CERS3: variants seen among roughly 807,000 people sequenced by gnomAD.
The protein encoded by CERS3 is LAG1 homolog, ceramide synthase 3.
In CERS3, 33 loss-of-function variants were observed where a neutral mutation model predicts 50.3. The observed-to-expected ratio is 0.66, with a 90% CI of 0.50 to 0.88. CERS3 has a LOEUF of 0.88. CERS3 is among the 40% of genes least tolerant of loss of function. The probability of loss-of-function intolerance (pLI) is 0.00; values close to 1 mark genes in which losing one functional copy is unlikely to be tolerated. For synonymous variants in CERS3, 176 were observed against 155.2 expected (o/e 1.13, Z -0.99); for missense variants, 470 against 460.3 (o/e 1.02, Z -0.19).
In CERS3 at chr15:100,441,323, T is replaced by G. The variant is rs148964251; in HGVS notation, c.999+14570A>C. ...TTTCTGCACCCCGACCTCTTATCTC[T>G]GTGCCCCGATCCCTTATTTCCATGC... On this transcript the variant is annotated intron_variant, in intron 11 of 11. Transcript: ENST00000679737. Among the ~76,000 whole-genome samples, 83 of 151,194 alleles carry G rather than the reference T, an allele frequency of 5.5e-4. No individual in the cohort carries two copies. In the East Asian group the frequency reaches 0.012, roughly 21 times the overall value.
At chr15:100,526,513 T>TGTGTGTGTGTGTG (rs71151963) in intron 1 of CERS3, among the ~76,000 whole-genome samples, 1 of 151,538 alleles carries the variant, frequency 6.6e-6, no homozygotes, top group Non-Finnish European at 1.5e-5. Context: ...TGTGTGTGTG[T>TGTGTGTGTGTGTG]AAAAACAACT....
chr15:100,415,562 TTAGA>T (rs1290883252), intron 11 of CERS3, among the ~76,000 whole-genome samples: 26 of 152,110 alleles, frequency 1.7e-4, no homozygotes, highest in Middle Eastern at 6.8e-3. Context: ...CAATGATAGA[TTAGA>T]TAAAGAAAAT....
At position 100,501,697 on chromosome 15, in the gene CERS3, A is replaced by G. The variant is rs766805849; in HGVS notation, c.153T>C (p.Ile51=). The part of the protein sequence containing the change: ...VTIPYAFLLL[I]IRRVFEKFVA... ...CTTACTTTTCAAATACACGTCTGATAATCAGCAAGAGAAAAGCATATGGAA... is the reference window on the plus strand; with the variant it reads ...CTTACTTTTCAAATACACGTCTGATGATCAGCAAGAGAAAAGCATATGGAA... The change falls in exon 3 of 12, where the codon ATT becomes ATC. Residue 51 remains isoleucine (I), a synonymous_variant. Coordinates refer to ENST00000679737, the MANE Select transcript of CERS3 (RefSeq NM_001378789.1). 5 of 1,613,540 alleles carry G rather than the reference A, an allele frequency of 3.1e-6. No individual in the cohort carries two copies. The Admixed American group carries it at 8.3e-5, about 27-fold the overall frequency.
intron 2 of CERS3, among the ~76,000 whole-genome samples, chr15:100,512,172 G>A (rs545279924): frequency 6.6e-6 from 1 of 152,334 alleles, no homozygotes; most frequent in Non-Finnish European, 1.5e-5. Context: ...TGAAGCTTGG[G>A]CCAGTTGTCA....
intron 7 of CERS3, among the ~76,000 whole-genome samples, chr15:100,478,995 C>T (rs72759123): frequency 2.6e-5 from 4 of 151,848 alleles, no homozygotes; most frequent in African/African-American, 4.8e-5. Context: ...GTAAGAACAC[C>T]GATTTGTATC....
At chr15:100,490,125 T>C (rs1441431752) in intron 4 of CERS3, among the ~76,000 whole-genome samples, 1 of 152,246 alleles carries the variant, frequency 6.6e-6, no homozygotes, top group Non-Finnish European at 1.5e-5. Flanking sequence ...TCTGTCATTT[T>C]AACTGTGGAA....
At chr15:100,405,831 T>A (rs1301125857) in intron 11 of CERS3, among the ~76,000 whole-genome samples, 1 of 152,244 alleles carries the variant, frequency 6.6e-6, no homozygotes, top group Non-Finnish European at 1.5e-5. Context: ...ATAATAATTT[T>A]AAAAATAAAA....
At chr15:100,490,756 A>T in intron 4 of CERS3, 61 bp downstream of exon 4, 1 of 983,334 alleles carries the variant, frequency 1.0e-6, no homozygotes. Context: ...GGTAAGCTAT[A>T]GATAATTGAA....
intron 10 of CERS3, among the ~76,000 whole-genome samples, chr15:100,462,726 A>C (rs577335654): frequency 6.6e-6 from 1 of 152,316 alleles, no homozygotes; most frequent in South Asian, 2.1e-4. Flanking sequence ...GTGGTGTCTA[A>C]ATGTTTCAAC....
chr15:100,420,818 C>A (rs1372631315), intron 11 of CERS3, among the ~76,000 whole-genome samples: 1 of 152,030 alleles, frequency 6.6e-6, no homozygotes, highest in African/African-American at 2.4e-5. Context: ...ATAAACAGAA[C>A]CAGAGACAAA....
chr15:100,543,063 AC>A (rs1460584276), intron 1 of CERS3, among the ~76,000 whole-genome samples: 2 of 151,990 alleles, frequency 1.3e-5, no homozygotes, highest in African/African-American at 4.8e-5. Flanking sequence ...ATAGGTGCCC[AC>A]CACCACACCT....
intron 11 of CERS3, chr15:100,408,589 G>A (rs1031533432): frequency 6.6e-6 from 1 of 152,106 alleles, no homozygotes; most frequent in African/African-American, 2.4e-5. Flanking sequence ...GTGTGGCTCC[G>A]ATAGGATTGA....
rs180739094 is a variant in CERS3, at chr15:100,417,836, A to G, written c.1000-14971T>C. On this transcript the variant is annotated intron_variant, in intron 11 of 11. Coordinates refer to ENST00000679737, the MANE Select transcript of CERS3 (RefSeq NM_001378789.1). ...GCAAGGGCACACTGACACCTCACAC[A>G]GCAGGGTATTCCAACAGACCTGCAG... Among the ~76,000 whole-genome samples, 325 of 150,882 alleles carry G rather than the reference A, an allele frequency of 2.2e-3. 7 individuals are homozygous for G. The highest frequency in any genetic ancestry group is 6.9e-3 in the African/African-American group (277 of 40,264).
chr15:100,524,800 T>G (rs1331659900), intron 1 of CERS3, among the ~76,000 whole-genome samples: 1 of 152,242 alleles, frequency 6.6e-6, no homozygotes. Flanking sequence ...TTGAAATGAT[T>G]AGTTTATTGT....
chr15:100,507,802 C>G (rs2036227128), intron 2 of CERS3, among the ~76,000 whole-genome samples: 1 of 152,220 alleles, frequency 6.6e-6, no homozygotes, highest in Non-Finnish European at 1.5e-5. Context: ...TGCTATCCAG[C>G]AGCAGCAGCA....
chr15:100,414,445 A>G lies in CERS3; in HGVS notation c.1000-11580T>C, dbSNP rs181006958. 3.4e-3 allele frequency among the ~76,000 whole-genome samples: 513 copies of G among 152,308 alleles called. 3 individuals are homozygous for G. Among genetic ancestry groups the G allele is most frequent in the Middle Eastern group, 0.01 (3 of 294 alleles). On this transcript the variant is annotated intron_variant, in intron 11 of 11. Transcript: ENST00000679737. ...AAAATCTACTTTAAATTTCATGTGG[A>G]ACCAAAAAAGAGCCTATATAGCCAA...
intron 1 of CERS3, among the ~76,000 whole-genome samples, chr15:100,525,103 GGTTGT>G (rs2142395762): frequency 6.6e-6 from 1 of 152,218 alleles, no homozygotes; most frequent in East Asian, 1.9e-4. Flanking sequence ...TGCATCTTTT[GGTTGT>G]GTTTTCATAT....
At chr15:100,430,772 G>C (rs986016246) in intron 11 of CERS3, among the ~76,000 whole-genome samples, 2 of 152,060 alleles carry the variant, frequency 1.3e-5, no homozygotes, top group Non-Finnish European at 2.9e-5. Flanking sequence ...ATTCCTTTTT[G>C]TTATATAGGT....
At chr15:100,530,068 C>T (rs1055338156), upstream of CERS3, among the ~76,000 whole-genome samples, 6 of 152,186 alleles carry the variant, frequency 3.9e-5, no homozygotes, top group Admixed American at 6.5e-5. Context: ...TCTTCGAAGA[C>T]GTTCTGTTTT....
Sources: allele counts gnomAD v4.1 joint callset (sites outside exome capture counted in the v4.1 genomes callset), GRCh38; gene constraint gnomAD v4.1.1; transcripts MANE v1.5; gene names NCBI Gene and HGNC (gene_info 2026-07-23, HGNC 2026-07-21).